The following NXPE4 variants were observed in gnomAD, a reference collection of about 807,000 sequenced individuals.
NXPE4 encodes the protein neurexophilin and PC-esterase domain family member 4.
NXPE4 carries 42 observed loss-of-function variants against 33.3 expected under a neutral mutation model. That is an observed-to-expected ratio of 1.26 (90% CI 0.98 to 1.63). NXPE4 has a LOEUF of 1.63. Ranked by LOEUF, NXPE4 falls within the 40% of genes most tolerant of loss-of-function variation. NXPE4 has a pLI of 0.00. For missense variants in NXPE4, 709 were observed against 647.6 expected, an observed-to-expected ratio of 1.09 and a Z score of -1.03; for synonymous variants, 253 against 234.9, an observed-to-expected ratio of 1.08 and a Z score of -0.71.
At chr11:114,674,019 G>T in the NXPE4 span, among the ~76,000 whole-genome samples, 1 of 151,782 alleles carries the variant, frequency 6.6e-6, no homozygotes, top group Non-Finnish European at 1.5e-5. Flanking sequence ...CAAAGATGAT[G>T]ATGGGATTAG....
chr11:114,601,784 A>ATTATATATAATTATAATAT, the NXPE4 span, among the ~76,000 whole-genome samples: 1 of 72,226 alleles, frequency 1.4e-5, no homozygotes, highest in Non-Finnish European at 2.3e-5. Flanking sequence ...ATAATTATAT[A>ATTATATATAATTATAATAT]ACATGTGATA....
chr11:114,615,758 T>C, the NXPE4 span, among the ~76,000 whole-genome samples: 1 of 151,722 alleles, frequency 6.6e-6, no homozygotes, highest in East Asian at 1.9e-4. Flanking sequence ...CAGTGGATAA[T>C]AAGTACTGCC....
At chr11:114,581,687 A>G (rs764068948) in intron 4 of NXPE4, 38 bp downstream of exon 4, 1 of 1,516,028 alleles carries the variant, frequency 6.6e-7, no homozygotes, top group African/African-American at 1.4e-5. Flanking sequence ...AAATGGGTCT[A>G]GAACTAGGCA....
At chr11:114,660,784 T>G in the NXPE4 span, among the ~76,000 whole-genome samples, 4 of 152,098 alleles carry the variant, frequency 2.6e-5, no homozygotes, top group African/African-American at 9.7e-5. Context: ...GCATACCATT[T>G]GGATAAAGGA....
chr11:114,643,179 G>A, the NXPE4 span, among the ~76,000 whole-genome samples: 1 of 151,834 alleles, frequency 6.6e-6, no homozygotes, highest in Non-Finnish European at 1.5e-5. Context: ...TGGATAGATT[G>A]CAAAAATTTT....
chr11:114,623,348 T>C, the NXPE4 span, among the ~76,000 whole-genome samples: 2 of 152,010 alleles, frequency 1.3e-5, no homozygotes, highest in African/African-American at 4.8e-5. Context: ...AAAATAAGTA[T>C]CGCCTGTAGG....
rs372218019 is a variant in NXPE4 at position 114,594,613 on chromosome 11, T to A, written c.96+51A>T. On this transcript the variant is annotated intron_variant, in intron 2 of 5. Transcript: ENST00000375478. ...TTAGCCTTTCCTAGAACAGATGAGG[T>A]AATAAGCAAAAATAAGCTTCTGTAA... 1.9e-5 allele frequency: 22 copies of A among 1,180,320 alleles called. No individual in the cohort carries two copies. The African/African-American group carries it at 3.1e-4, about 16-fold the overall frequency. 73.1% of individuals were successfully genotyped at this position (1,180,320 alleles called of 1,614,324 possible).
At chr11:114,639,737 AATAATAT>A in the NXPE4 span, among the ~76,000 whole-genome samples, 1 of 105,568 alleles carries the variant, frequency 9.5e-6, no homozygotes, top group Non-Finnish European at 1.9e-5. Flanking sequence ...TATAATATAA[AATAATAT>A]ATAATATATA....
At chr11:114,630,928 C>T in the NXPE4 span, among the ~76,000 whole-genome samples, 154 of 151,590 alleles carry the variant, frequency 1.0e-3, 1 homozygote, top group Admixed American at 8.3e-3. Context: ...AAAAAATGCT[C>T]ACCATCACTG....
At chr11:114,661,832 T>G in the NXPE4 span, among the ~76,000 whole-genome samples, 1 of 152,152 alleles carries the variant, frequency 6.6e-6, no homozygotes, top group Non-Finnish European at 1.5e-5. Flanking sequence ...GACACAGAGG[T>G]TGACAGAAAA....
At chr11:114,637,329 C>T in the NXPE4 span, among the ~76,000 whole-genome samples, 2,044 of 151,840 alleles carry the variant, frequency 0.013, 23 homozygotes, top group African/African-American at 0.047. Flanking sequence ...GATCTTCCTC[C>T]ATCCTTTTAT....
At chr11:114,671,036 AAT>A in the NXPE4 span, among the ~76,000 whole-genome samples, 1 of 148,144 alleles carries the variant, frequency 6.8e-6, no homozygotes, top group East Asian at 1.9e-4. Context: ...AATAAGGACA[AAT>A]ATATATATAT....
chr11:114,604,671 C>T, the NXPE4 span, among the ~76,000 whole-genome samples: 3 of 151,932 alleles, frequency 2.0e-5, no homozygotes, highest in African/African-American at 2.4e-5. Context: ...AATATTGCCT[C>T]GTGGGTAACC....
At chr11:114,667,315 A>C in the NXPE4 span, among the ~76,000 whole-genome samples, 7 of 152,298 alleles carry the variant, frequency 4.6e-5, no homozygotes, top group Admixed American at 4.6e-4. Context: ...AATAAACATA[A>C]TTATATTTAA....
chr11:114,614,556 T>A, the NXPE4 span, among the ~76,000 whole-genome samples: 3 of 151,936 alleles, frequency 2.0e-5, no homozygotes, highest in East Asian at 5.9e-4. Context: ...ATACTAAATG[T>A]TACCTTGTGG....
At chr11:114,644,837 C>T in the NXPE4 span, among the ~76,000 whole-genome samples, 1 of 151,036 alleles carries the variant, frequency 6.6e-6, no homozygotes, top group Non-Finnish European at 1.5e-5. Flanking sequence ...AAAAAAAAAA[C>T]TGTAATTAAG....
At position 114,570,640 on chromosome 11, in the gene NXPE4, C is replaced by T. The variant is rs1355552618; in HGVS notation, c.*298G>A. 1 of 215,518 alleles carries T rather than the reference C, an allele frequency of 4.6e-6. No individual in the cohort carries two copies. Among genetic ancestry groups the T allele is most frequent in the Non-Finnish European group, 9.0e-6 (1 of 110,502 alleles). 13.4% of individuals were successfully genotyped at this position (215,518 alleles called of 1,614,324 possible). On this transcript the variant is annotated 3_prime_UTR_variant, in exon 6 of 6. Transcript: ENST00000375478. ...AAATTACTTTATCACTCTGAGTTTT[C>T]ATGCATCAGAGAGAACTTTTACCCA...
intron 2 of NXPE4, among the ~76,000 whole-genome samples, chr11:114,590,979 C>A (rs746317430): frequency 1.9e-4 from 29 of 152,134 alleles, no homozygotes; most frequent in Non-Finnish European, 4.1e-4. Flanking sequence ...CTTTCCTCCC[C>A]AAGAAAACTG....
chr11:114,578,495 G>C (rs1949065010), intron 5 of NXPE4, among the ~76,000 whole-genome samples: 1 of 152,114 alleles, frequency 6.6e-6, no homozygotes, highest in Non-Finnish European at 1.5e-5. Flanking sequence ...GTTTCCCTAG[G>C]AGTTTAGTCA....
Sources: allele counts gnomAD v4.1 joint callset (sites outside exome capture counted in the v4.1 genomes callset), GRCh38; gene constraint gnomAD v4.1.1; transcripts MANE v1.5; gene names NCBI Gene and HGNC (gene_info 2026-07-23, HGNC 2026-07-21).